CD109: variants seen among roughly 807,000 people sequenced by gnomAD.
The protein encoded by CD109 is CD109 molecule.
A neutral mutation model predicts 165.8 loss-of-function variants in CD109; 149 were observed. The ratio of observed to expected loss-of-function variants is 0.90; its 90% confidence interval spans 0.79 to 1.03. CD109 has a LOEUF of 1.03. Among genes scored for constraint, CD109 ranks in the 50% least tolerant of loss-of-function variants. The pLI is 0.00. For synonymous variants in CD109, 585 were observed against 592.1 expected, an observed-to-expected ratio of 0.99 and a Z score of 0.18; for missense variants, 1,712 against 1,677.8, an observed-to-expected ratio of 1.02 and a Z score of -0.36.
In CD109 at chr6:73,823,621, A is replaced by T. The variant is rs747202877; in HGVS notation, c.4326A>T (p.Glu1442Asp). 3.7e-6 allele frequency: 6 copies of T among 1,606,742 alleles called. No individual in the cohort carries two copies. The highest frequency in any genetic ancestry group is 4.3e-6 in the Non-Finnish European group (5 of 1,174,950). ...GTTTCAAGCTTCTGTACTTTATGGA[A>T]CTTTGGCTGTGATTTATTTTTAAAG... ...IFCFKLLYFMELWL is the reference protein window; with the variant it reads ...IFCFKLLYFMDLWL Residue 1442 changes from glutamate (E) to aspartate (D), a missense_variant, in exon 33 of 33, where the codon GAA (glutamate) becomes GAT (aspartate). Glu to Asp is a conservative substitution (Grantham distance 45). Coordinates refer to ENST00000287097, the MANE Select transcript of CD109 (RefSeq NM_133493.5).
intron 26 of CD109, 70 bp from the exon 27 acceptor site, chr6:73,809,914 G>T: frequency 8.3e-7 from 1 of 1,205,104 alleles, no homozygotes; most frequent in Non-Finnish European, 1.2e-6. Flanking sequence ...ACCAGAGTAG[G>T]AATATTTAAT....
Position 73,733,580 on chromosome 6 carries a change from G to A in CD109, c.508-2803G>A, listed in dbSNP as rs190613885. Among the ~76,000 whole-genome samples, 156 of 152,338 alleles carry A rather than the reference G, an allele frequency of 1.0e-3. 1 individual carries two copies. Among genetic ancestry groups the A allele is most frequent in the African/African-American group, 3.4e-3 (143 of 41,564 alleles). On this transcript the variant is annotated intron_variant, in intron 4 of 32. Transcript: ENST00000287097. ...TGGAATTGAGTGCCTCTGACACTGC[G>A]ATGGCAGCTGGCATGGCTGGCTTCT... is the stretch of plus-strand genomic sequence containing the variant.
rs116070778 is a variant in CD109 at position 73,731,289 on chromosome 6, C to G, written c.507+715C>G. On this transcript the variant is annotated intron_variant, in intron 4 of 32. Coordinates refer to ENST00000287097, the MANE Select transcript of CD109 (RefSeq NM_133493.5). ...TCGTGATCCACCCACCTCAGCCTCCCAAAGATGCTGGGATTATAGGCGTGA... is the reference window on the plus strand; with the variant it reads ...TCGTGATCCACCCACCTCAGCCTCCGAAAGATGCTGGGATTATAGGCGTGA... Among the ~76,000 whole-genome samples, 493 of 152,312 alleles carry G rather than the reference C, an allele frequency of 3.2e-3. 6 individuals are homozygous for G. Among genetic ancestry groups the G allele is most frequent in the African/African-American group, 0.011 (459 of 41,570 alleles).
rs1197351522 is a variant in CD109 at position 73,771,490 on chromosome 6, C to G, written c.1736C>G (p.Ser579Cys). 28 of 1,611,136 alleles carry G rather than the reference C, an allele frequency of 1.7e-5. No individual in the cohort carries two copies. Among genetic ancestry groups the G allele is most frequent in the Non-Finnish European group, 2.3e-5 (27 of 1,178,708 alleles). The change falls in exon 15 of 33, where the codon TCT (serine) becomes TGT (cysteine). Residue 579 changes from serine to cysteine, a missense_variant. Physicochemically the swap from Ser to Cys is moderately radical, Grantham distance 112 (BLOSUM62 -1). Coordinates refer to ENST00000287097, the MANE Select transcript of CD109 (RefSeq NM_133493.5). ...TCTGAGAAAGTCTCTCTTAGGATCT[C>G]TGTGACACAGCCTGACTCCATAGTT... is the stretch of plus-strand genomic sequence containing the variant. ...EPSEKVSLRI[S>C]VTQPDSIVGI... is the part of the protein sequence containing the mutation.
rs1424433251 is a variant in CD109, at chr6:73,825,832, G to T, written c.*2199G>T. The T allele has an allele frequency of 2.6e-5, 4 of 152,102 alleles. No homozygotes were observed. The highest frequency in any genetic ancestry group is 9.7e-5 in the African/African-American group (4 of 41,396). The allele number at this position is 152,102 out of a possible 1,614,324, so 9.4% of individuals were successfully genotyped here. ...GTCCCTACTAAAAATACAAAATTTA[G>T]CCAGGCGTGGTGGCATGCACCTGTA... is the stretch of plus-strand genomic sequence containing the variant. On this transcript the variant is annotated 3_prime_UTR_variant, in exon 33 of 33. Coordinates refer to ENST00000287097, the MANE Select transcript of CD109 (RefSeq NM_133493.5).
chr6:73,738,145 A>C (rs1236766137), intron 5 of CD109, among the ~76,000 whole-genome samples: 3 of 152,234 alleles, frequency 2.0e-5, no homozygotes, highest in Non-Finnish European at 4.4e-5. Context: ...GAGGAATTGT[A>C]AGGTGTTCAG....
intron 2 of CD109, among the ~76,000 whole-genome samples, chr6:73,713,201 T>A (rs561302059): frequency 7.9e-5 from 12 of 152,220 alleles, no homozygotes; most frequent in African/African-American, 2.9e-4. Flanking sequence ...AATTCCAAGC[T>A]GTATTTGTAA....
At chr6:73,715,245 G>A (rs1436924032) in intron 2 of CD109, among the ~76,000 whole-genome samples, 1 of 152,062 alleles carries the variant, frequency 6.6e-6, no homozygotes, top group Admixed American at 6.6e-5. Context: ...GGGTGACAGA[G>A]CAAGACTCTG....
At chr6:73,750,869 C>A (rs1307986386) in intron 5 of CD109, among the ~76,000 whole-genome samples, 1 of 152,136 alleles carries the variant, frequency 6.6e-6, no homozygotes, top group Non-Finnish European at 1.5e-5. Context: ...CTTCCCTACT[C>A]CTTGGATAAA....
intron 2 of CD109, among the ~76,000 whole-genome samples, chr6:73,717,611 CTTTTT>C (rs779915655): frequency 4.0e-5 from 3 of 74,812 alleles, no homozygotes; most frequent in Admixed American, 1.3e-4. Flanking sequence ...TCTACTGATT[CTTTTT>C]TTTTTTTTTT....
chr6:73,699,118 C>G (rs932114964), intron 2 of CD109, among the ~76,000 whole-genome samples: 2 of 152,140 alleles, frequency 1.3e-5, no homozygotes, highest in African/African-American at 4.8e-5. Flanking sequence ...GACCCCTGAT[C>G]TTATGATAGT....
chr6:73,790,087 A>G (rs1013574691), intron 22 of CD109, among the ~76,000 whole-genome samples: 3 of 144,514 alleles, frequency 2.1e-5, no homozygotes, highest in African/African-American at 7.7e-5. Context: ...TATATTTACC[A>G]TGCTAAAAGT....
chr6:73,685,043 AG>A, the CD109 span, among the ~76,000 whole-genome samples: 1 of 151,366 alleles, frequency 6.6e-6, no homozygotes, highest in East Asian at 1.9e-4. Flanking sequence ...CAGCCTCCCG[AG>A]TAGCTGGGAC....
At chr6:73,758,056 G>A (rs965684108) in intron 6 of CD109, among the ~76,000 whole-genome samples, 8 of 152,034 alleles carry the variant, frequency 5.3e-5, no homozygotes, top group South Asian at 2.1e-4. Context: ...TGGGGGTTGC[G>A]GGGGCGGGGT....
chr6:73,687,866 A>G, the CD109 span, among the ~76,000 whole-genome samples: 3 of 152,164 alleles, frequency 2.0e-5, no homozygotes, highest in Non-Finnish European at 4.4e-5. Context: ...GGAAAAGGAG[A>G]AACACAAAGT....
chr6:73,753,212 G>A (rs1773260913), intron 5 of CD109, among the ~76,000 whole-genome samples: 1 of 152,140 alleles, frequency 6.6e-6, no homozygotes, highest in African/African-American at 2.4e-5. Context: ...AGACCATATG[G>A]CCTGCAAAGC....
chr6:73,779,892 C>A (rs888900392), intron 15 of CD109, among the ~76,000 whole-genome samples: 2 of 151,746 alleles, frequency 1.3e-5, no homozygotes, highest in Non-Finnish European at 2.9e-5. Context: ...ATGCAAATAT[C>A]TCATTTTTGA....
chr6:73,762,202 C>G (rs1773663051), intron 7 of CD109, among the ~76,000 whole-genome samples, 182 bp from the exon 8 acceptor site: 1 of 152,172 alleles, frequency 6.6e-6, no homozygotes, highest in Non-Finnish European at 1.5e-5. Context: ...ACCTCGTGAT[C>G]CACCCGCCTC....
Position 73,810,135 on chromosome 6 carries a change from C to T in CD109, c.3507C>T (p.Ser1169=), listed in dbSNP as rs1353466515. The part of the protein sequence containing the change: ...SEGIPIMRWL[S]RQRNSLGGFA... ...GAATCCCAATTATGAGGTGGCTAAG[C>T]AGGCAAAGAAATAGCTTGGGTGGTT... Residue 1169 remains serine, a synonymous_variant, in exon 27 of 33, where the codon AGC becomes AGT. Coordinates refer to ENST00000287097, the MANE Select transcript of CD109 (RefSeq NM_133493.5). 2 of 1,605,422 alleles carry T rather than the reference C, an allele frequency of 1.2e-6. No individual in the cohort carries two copies. The highest frequency in any genetic ancestry group is 2.2e-5 in the South Asian group (2 of 89,758).
Sources: gnomAD v4.1 joint callset for allele counts (sites outside exome capture counted in the v4.1 genomes callset) on GRCh38, gnomAD v4.1.1 for gene constraint, MANE v1.5 for transcripts, NCBI Gene and HGNC (gene_info 2026-07-23, HGNC 2026-07-21) for gene names.